Variants in WDR33 observed in about 807,000 individuals in gnomAD.
WDR33 encodes WD repeat domain 33.
WDR33 carries 47 observed loss-of-function variants against 164.9 expected under a neutral mutation model. The observed-to-expected ratio is 0.29, with a 90% CI of 0.23 to 0.36. WDR33 has a LOEUF of 0.36. Ranked by LOEUF, WDR33 falls within the 10% of genes least tolerant of loss-of-function variation. WDR33 has a pLI of 1.00. For synonymous variants in WDR33, 505 were observed against 589.0 expected, an observed-to-expected ratio of 0.86 and a Z score of 2.06; for missense variants, 1,137 against 1,754.1, an observed-to-expected ratio of 0.65 and a Z score of 6.28.
Position 127,726,954 on chromosome 2 carries a change from C to T in WDR33, c.725-177G>A, listed in dbSNP as rs1044832826. On this transcript the variant is annotated intron_variant, in intron 7 of 21. Coordinates refer to ENST00000322313, the MANE Select transcript of WDR33 (RefSeq NM_018383.5). This position sits in a 1 kb window ranked among gnomAD's most constrained non-coding sequence, Gnocchi z 4.8. ...GGAAATTTTTCAGATACAGTATCCTCTCCTCCTATGTCAAGACACACAGGA... is the reference window on the plus strand; with the variant it reads ...GGAAATTTTTCAGATACAGTATCCTTTCCTCCTATGTCAAGACACACAGGA... 2.6e-5 allele frequency among the ~76,000 whole-genome samples: 4 copies of T among 152,174 alleles called. No individual in the cohort carries two copies. The highest frequency in any genetic ancestry group is 6.5e-5 in the Admixed American group (1 of 15,276).
chr2:127,705,390 T>G lies in WDR33; in HGVS notation c.*933A>C, dbSNP rs866619939. On this transcript the variant is annotated 3_prime_UTR_variant, in exon 22 of 22. Coordinates refer to ENST00000322313, the MANE Select transcript of WDR33 (RefSeq NM_018383.5). The surrounding 1 kb of genome is among the most constrained non-coding windows in gnomAD (Gnocchi z 4.5). ...TACGCCCTGCCGTAACACTGGTATT[T>G]CCACATAGTATGGAAGAGGAAGAGA... 5.8e-5 allele frequency: 9 copies of G among 154,548 alleles called. No individual in the cohort carries two copies. The highest frequency in any genetic ancestry group is 3.4e-3 in the Middle Eastern group (1 of 294). The allele number at this position is 154,548 out of a possible 1,614,324, so 9.6% of individuals were successfully genotyped here.
At chr2:127,788,012 C>T (rs1688660506) in intron 1 of WDR33, among the ~76,000 whole-genome samples, 1 of 68,378 alleles carries the variant, frequency 1.5e-5, no homozygotes, top group Non-Finnish European at 2.7e-5. Flanking sequence ...GCTGGCCGGG[C>T]GGGGGGGCTG....
In WDR33 at chr2:127,711,780, A is replaced by ATTTTTTTTTTTTT. The variant is rs1158780905; in HGVS notation, c.3308+1802_3308+1803insAAAAAAAAAAAAA. 2.3e-4 allele frequency among the ~76,000 whole-genome samples: 20 copies of ATTTTTTTTTTTTT among 88,298 alleles called. 1 individual carries two copies. The highest frequency in any genetic ancestry group is 1.8e-3 in the South Asian group (4 of 2,174). The allele number at this position is 88,298 out of a possible 152,430, so 57.9% of individuals were successfully genotyped here. On this transcript the variant is annotated intron_variant, in intron 18 of 21. Coordinates refer to ENST00000322313, the MANE Select transcript of WDR33 (RefSeq NM_018383.5). ...TATATATATATATATATATATATATATTTTTTTTTTGAGACAGAGTCTCGC... is the reference window on the plus strand; with the variant it reads ...TATATATATATATATATATATATATATTTTTTTTTTTTTTTTTTTTTTTGAGACAGAGTCTCGC...
Position 127,719,502 on chromosome 2 carries a change from G to A in WDR33, c.2523C>T (p.Pro841=). Residue 841 remains proline (P), a synonymous_variant, in exon 16 of 22, where the codon CCC becomes CCT. Coordinates refer to ENST00000322313, the MANE Select transcript of WDR33 (RefSeq NM_018383.5). The surrounding 1 kb of genome is among the most constrained non-coding windows in gnomAD (Gnocchi z 6.5). The stretch of plus-strand genomic sequence containing the variant: ...GGGGAGGTCCCAGCATTGATCCTTG[G>A]GGTGGAGGCCCCTGCATGCCTCGGA... The part of the protein sequence containing the change: ...QEIRGMQGPP[P]QGSMLGPPQE... 1 of 1,612,096 alleles carries A rather than the reference G, an allele frequency of 6.2e-7. No individual in the cohort carries two copies. The highest frequency in any genetic ancestry group is 8.5e-7 in the Non-Finnish European group (1 of 1,178,930).
rs71307275 is a variant in WDR33, at chr2:127,740,346, TACAC to T, written c.725-13573_725-13570del. 4.2e-3 allele frequency among the ~76,000 whole-genome samples: 627 copies of T among 149,766 alleles called. 5 individuals carry two copies. The highest frequency in any genetic ancestry group is 0.013 in the African/African-American group (552 of 40,988). ...ACTTTGGGAGGGATTTGTATTTCTC[TACAC>T]ACACACACACACACACACACACGGA... is the stretch of plus-strand genomic sequence containing the variant. On this transcript the variant is annotated intron_variant, in intron 7 of 21. Coordinates refer to ENST00000322313, the MANE Select transcript of WDR33 (RefSeq NM_018383.5).
At chr2:127,783,413 T>C (rs901093482) in intron 1 of WDR33, among the ~76,000 whole-genome samples, 5 of 152,124 alleles carry the variant, frequency 3.3e-5, no homozygotes, top group Non-Finnish European at 7.4e-5. Context: ...TGGAGACTAA[T>C]GTCAGGGGTT....
rs1686121791 is a variant in WDR33 at position 127,710,068 on chromosome 2, G to A, written c.3309-212C>T. On this transcript the variant is annotated intron_variant, in intron 18 of 21. Transcript: ENST00000322313. This position sits in a 1 kb window ranked among gnomAD's most constrained non-coding sequence, Gnocchi z 4.4. ...AGACCAGAAGGAAACACACCAGAGT[G>A]TGGAGTTACTTTAAGCTTCTTTTAG... 6.6e-6 allele frequency among the ~76,000 whole-genome samples: 1 copy of A among 152,226 alleles called. No individual in the cohort carries two copies. Among genetic ancestry groups the A allele is most frequent in the Non-Finnish European group, 1.5e-5 (1 of 68,040 alleles).
At chr2:127,750,432 A>C (rs1687290901) in intron 7 of WDR33, among the ~76,000 whole-genome samples, 1 of 151,356 alleles carries the variant, frequency 6.6e-6, no homozygotes, top group African/African-American at 2.4e-5. Context: ...GAATCACTTG[A>C]GGTTAGGAGC....
At chr2:127,746,039 AT>A (rs1687158571) in intron 7 of WDR33, among the ~76,000 whole-genome samples, 1 of 127,208 alleles carries the variant, frequency 7.9e-6, no homozygotes. Flanking sequence ...ACATAAAATA[AT>A]TAAAAAAAAA....
At position 127,713,819 on chromosome 2, in the gene WDR33, G is replaced by C. The variant is rs776730070; in HGVS notation, c.3072C>G (p.Arg1024=). ...CAAATTCACGTAACCGGTGGCCAAAGCGCTTGTCAGGGTGGAAGTCATCTG... is the reference window on the plus strand; with the variant it reads ...CAAATTCACGTAACCGGTGGCCAAACCGCTTGTCAGGGTGGAAGTCATCTG... ...SRPDDFHPDK[R]FGHRLREFEG... The change falls in exon 18 of 22, where the codon CGC becomes CGG. Residue 1024 remains arginine (R), a synonymous_variant. Transcript: ENST00000322313. This position sits in a 1 kb window ranked among gnomAD's most constrained non-coding sequence, Gnocchi z 6.2. The C allele has an allele frequency of 2.7e-5, 44 of 1,614,154 alleles. No homozygotes were observed. The Admixed American group carries it at 7.2e-4, about 26-fold the overall frequency.
chr2:127,706,416 CCCT>C lies in WDR33; in HGVS notation c.3915_3917del (p.Gly1307del). The C allele has an allele frequency of 6.2e-7, 1 of 1,613,842 alleles. No homozygotes were observed. The highest frequency in any genetic ancestry group is 8.5e-7 in the Non-Finnish European group (1 of 1,179,908). ...TACCCCAGTTACTGCCACTCCGGCCCCCTCGAGAAGGGGTGCCACTGCCTGGAG... is the reference window on the plus strand; with the variant it reads ...TACCCCAGTTACTGCCACTCCGGCCCCGAGAAGGGGTGCCACTGCCTGGAG... On this transcript the variant is annotated inframe_deletion, in exon 22 of 22. Transcript: ENST00000322313. The surrounding 1 kb of genome is among the most constrained non-coding windows in gnomAD (Gnocchi z 5.1).
intron 3 of WDR33, 38 bp from the exon 4 acceptor site, chr2:127,768,331 T>C: frequency 7.6e-7 from 1 of 1,317,644 alleles, no homozygotes. Flanking sequence ...GAGCTCCTGA[T>C]TACATACAAG....
At chr2:127,775,921 T>G (rs1688171343) in intron 1 of WDR33, among the ~76,000 whole-genome samples, 1 of 151,888 alleles carries the variant, frequency 6.6e-6, no homozygotes. Context: ...AAAATAAAAT[T>G]AAAACAAAAA....
At position 127,779,484 on chromosome 2, in the gene WDR33, AATAGAACATATG is replaced by A. The variant is rs572644286; in HGVS notation, c.-23-8492_-23-8481del. On this transcript the variant is annotated intron_variant, in intron 1 of 21. Coordinates refer to ENST00000322313, the MANE Select transcript of WDR33 (RefSeq NM_018383.5). ...CCGTTTCAAAAAAAAAGTTAAAAAA[AATAGAACATATG>A]ATAGAACTGCGCATTTGAAAGAACT... Among the ~76,000 whole-genome samples the A allele has an allele frequency of 6.3e-3, 953 of 152,304 alleles. 12 individuals are homozygous for A. Among genetic ancestry groups the A allele is most frequent in the African/African-American group, 0.021 (871 of 41,564 alleles).
At chr2:127,715,640 CT>C (rs1686282314) in intron 17 of WDR33, among the ~76,000 whole-genome samples, 1 of 152,218 alleles carries the variant, frequency 6.6e-6, no homozygotes, top group South Asian at 2.1e-4. Flanking sequence ...GGCTTCTTCA[CT>C]GACATGATGT....
intron 1 of WDR33, among the ~76,000 whole-genome samples, chr2:127,781,986 G>T (rs1374114120): frequency 8.9e-6 from 1 of 112,420 alleles, no homozygotes; most frequent in Non-Finnish European, 1.7e-5. Flanking sequence ...CAAGAAGAGC[G>T]AAACTCTTTT....
Position 127,718,911 on chromosome 2 carries a change from C to T in WDR33, c.2760+354G>A, listed in dbSNP as rs188032111. On this transcript the variant is annotated intron_variant, in intron 16 of 21. Coordinates refer to ENST00000322313, the MANE Select transcript of WDR33 (RefSeq NM_018383.5). The surrounding 1 kb of genome is among the most constrained non-coding windows in gnomAD (Gnocchi z 4.4). ...AAAGGAGGCATGACAGCCTCAGAGC[C>T]GACCACCATGTAAAACATGCTTCCT... Among the ~76,000 whole-genome samples, 10 of 152,288 alleles carry T rather than the reference C, an allele frequency of 6.6e-5. No individual in the cohort carries two copies. The highest frequency in any genetic ancestry group is 3.9e-4 in the East Asian group (2 of 5,176).
At chr2:127,745,107 T>A (rs554324526) in intron 7 of WDR33, among the ~76,000 whole-genome samples, 1 of 152,306 alleles carries the variant, frequency 6.6e-6, no homozygotes, top group South Asian at 2.1e-4. Flanking sequence ...TCAATGTAAA[T>A]CCATTTTAAC....
Position 127,724,926 on chromosome 2 carries a change from C to T in WDR33, c.1046G>A (p.Ser349Asn). 1 of 1,614,232 alleles carries T rather than the reference C, an allele frequency of 6.2e-7. No homozygotes were observed. The highest frequency in any genetic ancestry group is 8.5e-7 in the Non-Finnish European group (1 of 1,180,046). The part of the protein sequence containing the change: ...WHPVHEGLFA[S>N]GGSDGSLLFW... Reference sequence around the variant, plus strand: ...TAACAAAGAACCATCAGACCCTCCACTGGCAAAAAGTCCTTCATGAACAGG... The same window carrying T: ...TAACAAAGAACCATCAGACCCTCCATTGGCAAAAAGTCCTTCATGAACAGG... The change falls in exon 10 of 22, where the codon AGT (serine) becomes AAT (asparagine). Residue 349 changes from serine to asparagine, a missense_variant. This residue lies in a region of WDR33 where 83 missense variants were observed against 189.2 expected (regional missense o/e 0.44). Transcript: ENST00000322313. The surrounding 1 kb of genome is among the most constrained non-coding windows in gnomAD (Gnocchi z 4.8).
Sources: allele counts gnomAD v4.1 joint callset (sites outside exome capture counted in the v4.1 genomes callset), GRCh38; gene constraint gnomAD v4.1.1; regional missense constraint gnomAD v4.1.1; non-coding constraint Gnocchi (gnomAD v3.1); transcripts MANE v1.5; gene names NCBI Gene and HGNC (gene_info 2026-07-23, HGNC 2026-07-21).